The following FBXO42 variants were observed in gnomAD, a reference collection of about 807,000 sequenced individuals.
FBXO42 encodes F-box only protein 42.
FBXO42 carries 12 observed loss-of-function variants against 71.7 expected under a neutral mutation model. The observed-to-expected ratio is 0.17, with a 90% CI of 0.11 to 0.27. The LOEUF (loss-of-function observed/expected upper bound fraction) is 0.27. FBXO42 is among the 10% of genes least tolerant of loss of function. FBXO42 has a pLI of 1.00. For synonymous variants in FBXO42, 325 were observed against 327.5 expected, an observed-to-expected ratio of 0.99 and a Z score of 0.08; for missense variants, 707 against 911.9, an observed-to-expected ratio of 0.78 and a Z score of 2.89.
chr1:16,326,407 G>C (rs1423784750), intron 1 of FBXO42, among the ~76,000 whole-genome samples: 3 of 151,616 alleles, frequency 2.0e-5, no homozygotes, highest in Non-Finnish European at 4.4e-5. Flanking sequence ...CTTGAGGCCA[G>C]GTGCAGTAGT....
At chr1:16,349,520 A>G (rs2082680864) in intron 1 of FBXO42, among the ~76,000 whole-genome samples, 1 of 152,206 alleles carries the variant, frequency 6.6e-6, no homozygotes, top group African/African-American at 2.4e-5. Flanking sequence ...CACATTAACA[A>G]TCGTGGGAAG....
intron 1 of FBXO42, among the ~76,000 whole-genome samples, chr1:16,326,040 G>GTGTC (rs1553154829): frequency 1.8e-3 from 269 of 150,384 alleles, no homozygotes; most frequent in African/African-American, 6.3e-3. Flanking sequence ...GTGTGTGTGT[G>GTGTC]TGTGTGTGTC....
chr1:16,289,331 G>A (rs1165432953), intron 4 of FBXO42, among the ~76,000 whole-genome samples: 2 of 151,854 alleles, frequency 1.3e-5, no homozygotes, highest in Non-Finnish European at 2.9e-5. Flanking sequence ...TTGAACCCAG[G>A]GGTTTGAGGC....
chr1:16,285,453 T>C (rs1350592049), intron 4 of FBXO42, among the ~76,000 whole-genome samples: 1 of 151,940 alleles, frequency 6.6e-6, no homozygotes, highest in Non-Finnish European at 1.5e-5. Context: ...TTTGTATTTT[T>C]AGTAGAGACG....
chr1:16,252,993 G>A lies in FBXO42; in HGVS notation c.921+103C>T. 1.0e-6 allele frequency: 1 copy of A among 961,262 alleles called. No individual in the cohort carries two copies. The highest frequency in any genetic ancestry group is 1.5e-6 in the Non-Finnish European group (1 of 651,660). 59.5% of individuals were successfully genotyped at this position (961,262 alleles called of 1,614,324 possible). On this transcript the variant is annotated intron_variant, in intron 8 of 9. Transcript: ENST00000375592. This position sits in a 1 kb window ranked among gnomAD's most constrained non-coding sequence, Gnocchi z 4.4. ...CAAAAAGCATTCCTTAAATTAAAATGCCATGGAAATAGTCTTGTATACTCC... is the reference window on the plus strand; with the variant it reads ...CAAAAAGCATTCCTTAAATTAAAATACCATGGAAATAGTCTTGTATACTCC...
intron 4 of FBXO42, among the ~76,000 whole-genome samples, chr1:16,272,565 T>G (rs2081858537): frequency 6.6e-6 from 1 of 152,136 alleles, no homozygotes. Context: ...GGTGGGTCAC[T>G]GCAACTCTCT....
chr1:16,293,636 A>AGG (rs1292501667), intron 4 of FBXO42: 1 of 152,198 alleles, frequency 6.6e-6, no homozygotes, highest in Non-Finnish European at 1.5e-5. Context: ...TCCACTCAGT[A>AGG]GGCTCCTCCT....
chr1:16,341,609 TAAAA>T (rs34904915), intron 1 of FBXO42, among the ~76,000 whole-genome samples: 87 of 113,272 alleles, frequency 7.7e-4, no homozygotes, highest in African/African-American at 2.9e-3. Context: ...CTGCGTCTTT[TAAAA>T]AAAAAAAAAA....
intron 1 of FBXO42, among the ~76,000 whole-genome samples, chr1:16,346,715 A>G (rs1458321322): frequency 2.6e-5 from 4 of 150,944 alleles, no homozygotes; most frequent in African/African-American, 9.7e-5. Context: ...AACAAGAGAA[A>G]ATAAGTTACT....
At chr1:16,340,599 G>A (rs907041555) in intron 1 of FBXO42, among the ~76,000 whole-genome samples, 2 of 152,100 alleles carry the variant, frequency 1.3e-5, no homozygotes, top group Non-Finnish European at 2.9e-5. Context: ...GATTACAGGC[G>A]TGAGCCACTG....
chr1:16,331,113 C>T (rs2082494829), intron 1 of FBXO42, among the ~76,000 whole-genome samples: 1 of 151,262 alleles, frequency 6.6e-6, no homozygotes, highest in Non-Finnish European at 1.5e-5. Flanking sequence ...AGTGAAACTC[C>T]ATCTCAAAAA....
intron 1 of FBXO42, among the ~76,000 whole-genome samples, chr1:16,334,633 C>T (rs1023075083): frequency 6.6e-6 from 1 of 152,134 alleles, no homozygotes; most frequent in Non-Finnish European, 1.5e-5. Context: ...ATTAAACTGA[C>T]ACACACTTAA....
chr1:16,342,189 G>A (rs1222181803), intron 1 of FBXO42, among the ~76,000 whole-genome samples: 2 of 151,560 alleles, frequency 1.3e-5, no homozygotes, highest in Admixed American at 6.6e-5. Flanking sequence ...TTGAAGCTGG[G>A]AGTTCAAGAC....
intron 1 of FBXO42, among the ~76,000 whole-genome samples, chr1:16,346,413 G>C (rs1287109891): frequency 6.6e-6 from 1 of 152,044 alleles, no homozygotes; most frequent in Non-Finnish European, 1.5e-5. Context: ...AGAGAGCGAG[G>C]CGTAGTGGCT....
At chr1:16,295,401 C>G (rs1410249275) in intron 3 of FBXO42, among the ~76,000 whole-genome samples, 1 of 150,312 alleles carries the variant, frequency 6.7e-6, no homozygotes, top group South Asian at 2.1e-4. Flanking sequence ...TTCTTTCTTT[C>G]TTTTTTTGAG....
chr1:16,257,194 C>G (rs531874932), intron 4 of FBXO42, among the ~76,000 whole-genome samples: 1 of 151,994 alleles, frequency 6.6e-6, no homozygotes, highest in Admixed American at 6.6e-5. Flanking sequence ...TGTAGAGGAC[C>G]AGGGAGAAGT....
intron 1 of FBXO42, among the ~76,000 whole-genome samples, chr1:16,320,820 ACTTT>A (rs1469701513): frequency 2.0e-5 from 3 of 151,978 alleles, no homozygotes; most frequent in African/African-American, 7.2e-5. Flanking sequence ...GCCCAGCCTA[ACTTT>A]CTTATATTTT....
At position 16,248,847 on chromosome 1, in the gene FBXO42, A is replaced by G. The variant is rs2081561444; in HGVS notation, c.*1823T>C. 6.6e-6 allele frequency: 1 copy of G among 152,300 alleles called. No individual in the cohort carries two copies. The highest frequency in any genetic ancestry group is 1.5e-5 in the Non-Finnish European group (1 of 68,066). 9.4% of individuals were successfully genotyped at this position (152,300 alleles called of 1,614,324 possible). The stretch of plus-strand genomic sequence containing the variant: ...GAACACAAAGAGCAGTTTCTGGAAC[A>G]CATACCCCTCCCCACAAGCTAGGCT... On this transcript the variant is annotated 3_prime_UTR_variant, in exon 10 of 10. Transcript: ENST00000375592.
chr1:16,272,410 CCA>C (rs955395915), intron 4 of FBXO42, among the ~76,000 whole-genome samples: 28 of 151,912 alleles, frequency 1.8e-4, no homozygotes, highest in Non-Finnish European at 3.8e-4. Context: ...CAGGCATGCA[CCA>C]CCACGCCCAG....
Sources: allele counts gnomAD v4.1 joint callset (sites outside exome capture counted in the v4.1 genomes callset), GRCh38; gene constraint gnomAD v4.1.1; non-coding constraint Gnocchi (gnomAD v3.1); transcripts MANE v1.5; gene names NCBI Gene and HGNC (gene_info 2026-07-23, HGNC 2026-07-21).